CCBE1: variants seen among roughly 807,000 people sequenced by gnomAD.
CCBE1 encodes the protein collagen and calcium binding EGF domains 1, also known as collagen and calcium-binding EGF domain-containing protein 1.
CCBE1 carries 37 observed loss-of-function variants against 50.0 expected under a neutral mutation model. The ratio of observed to expected loss-of-function variants is 0.74; its 90% CI spans 0.57 to 0.97. CCBE1 has a LOEUF of 0.97. CCBE1 is among the 50% of genes least tolerant of loss of function. The probability of loss-of-function intolerance (pLI) is 0.00; values close to 1 mark genes in which losing one functional copy is unlikely to be tolerated. For missense variants in CCBE1, 538 were observed against 523.8 expected (o/e 1.03, Z -0.26); for synonymous variants, 234 against 203.7 (o/e 1.15, Z -1.27).
intron 2 of CCBE1, among the ~76,000 whole-genome samples, chr18:59,659,948 A>G (rs1427382066): frequency 1.3e-5 from 2 of 152,158 alleles, no homozygotes; most frequent in African/African-American, 4.8e-5. Flanking sequence ...GGACCTCGCT[A>G]TGCAATGCTT....
intron 2 of CCBE1, among the ~76,000 whole-genome samples, chr18:59,675,705 G>T (rs969261173): frequency 1.3e-5 from 2 of 152,198 alleles, no homozygotes; most frequent in Admixed American, 1.3e-4. Flanking sequence ...CCAGAGTTTA[G>T]AAACAGTTAT....
intron 2 of CCBE1, among the ~76,000 whole-genome samples, chr18:59,622,504 AAAG>A (rs2053725340): frequency 2.4e-5 from 3 of 124,670 alleles, no homozygotes; most frequent in Admixed American, 1.7e-4. Context: ...ACTTCATCTT[AAAG>A]AAAAAAAAAA....
chr18:59,534,494 G>GT (rs1309006555), intron 2 of CCBE1, among the ~76,000 whole-genome samples: 4 of 152,234 alleles, frequency 2.6e-5, no homozygotes, highest in Non-Finnish European at 5.9e-5. Flanking sequence ...TTGATCCTCT[G>GT]TCTGAGAGGG....
intron 2 of CCBE1, among the ~76,000 whole-genome samples, chr18:59,510,835 G>A (rs981284036): frequency 6.6e-6 from 1 of 152,158 alleles, no homozygotes. Context: ...AAGAAACATA[G>A]ACTAGTTAAG....
At chr18:59,549,157 G>A (rs117172874) in intron 2 of CCBE1, among the ~76,000 whole-genome samples, 2,689 of 151,152 alleles carry the variant, frequency 0.018, 25 homozygotes, top group Non-Finnish European at 0.027. Flanking sequence ...TTTTCACTTG[G>A]ATATATAGAC....
intron 2 of CCBE1, among the ~76,000 whole-genome samples, chr18:59,556,264 C>A (rs1391249658): frequency 6.6e-6 from 1 of 152,110 alleles, no homozygotes. Flanking sequence ...TCAGCAGAGC[C>A]AAATTGGAGT....
intron 2 of CCBE1, among the ~76,000 whole-genome samples, chr18:59,480,875 C>T (rs1346898610): frequency 6.6e-6 from 1 of 152,024 alleles, no homozygotes; most frequent in Non-Finnish European, 1.5e-5. Context: ...CCACTTCAAC[C>T]AAGCTAATTT....
intron 2 of CCBE1, among the ~76,000 whole-genome samples, chr18:59,483,437 C>T (rs1037038440): frequency 6.6e-6 from 1 of 152,162 alleles, no homozygotes; most frequent in Non-Finnish European, 1.5e-5. Flanking sequence ...TGAAATGTTT[C>T]AATGAGCATT....
intron 2 of CCBE1, among the ~76,000 whole-genome samples, chr18:59,684,840 T>G (rs2054636026): frequency 6.6e-6 from 1 of 152,190 alleles, no homozygotes; most frequent in Non-Finnish European, 1.5e-5. Flanking sequence ...TATGTTGTGA[T>G]GCATACAGTT....
intron 2 of CCBE1, among the ~76,000 whole-genome samples, chr18:59,645,427 A>C (rs1003728867): frequency 1.3e-5 from 2 of 152,212 alleles, no homozygotes; most frequent in African/African-American, 4.8e-5. Flanking sequence ...GTGAGAAAAA[A>C]AAGATTTTAA....
intron 2 of CCBE1, among the ~76,000 whole-genome samples, chr18:59,661,947 A>G (rs1313481488): frequency 6.8e-6 from 1 of 146,916 alleles, no homozygotes; most frequent in African/African-American, 2.6e-5. Flanking sequence ...AGCCAGGGCA[A>G]CAGAGTGAGA....
intron 7 of CCBE1, among the ~76,000 whole-genome samples, chr18:59,444,438 A>G (rs1014393401): frequency 1.3e-5 from 2 of 151,518 alleles, no homozygotes; most frequent in South Asian, 4.2e-4. Context: ...ACTCTTTTCC[A>G]CAGTGACTGA....
At chr18:59,696,821 C>G (rs911245571) in intron 1 of CCBE1, 112 bp from the exon 2 acceptor site, 15 of 1,207,128 alleles carry the variant, frequency 1.2e-5, no homozygotes, top group Admixed American at 1.8e-5. Context: ...CGTCCCGGCG[C>G]TCTGGGCAGG....
intron 2 of CCBE1, among the ~76,000 whole-genome samples, chr18:59,664,489 C>A (rs1007930705): frequency 1.3e-5 from 2 of 152,056 alleles, no homozygotes; most frequent in East Asian, 3.9e-4. Flanking sequence ...TGAGCATGAC[C>A]CCACCTACTG....
chr18:59,620,362 A>C (rs2053696570), intron 2 of CCBE1, among the ~76,000 whole-genome samples: 1 of 152,154 alleles, frequency 6.6e-6, no homozygotes, highest in South Asian at 2.1e-4. Flanking sequence ...GAGGTAGAAA[A>C]GGGGAAATTT....
rs781037071 is a variant in CCBE1, at chr18:59,466,777, T to G, written c.515A>C (p.Lys172Thr). The G allele has an allele frequency of 1.2e-6, 2 of 1,613,730 alleles. No homozygotes were observed. The highest frequency in any genetic ancestry group is 4.5e-5 in the East Asian group (2 of 44,876). ...ATATTTGTCTCCCCTGGTACATGTC[T>G]TCCCATCATCTTCCCGGATGTAGCC... ...REGYIREDDG[K>T]TCTRGDKYPN... Residue 172 changes from lysine to threonine, a missense_variant, in exon 5 of 11, where the codon AAG (lysine) becomes ACG (threonine). Physicochemically the swap from Lys to Thr is moderately conservative, Grantham distance 78 (BLOSUM62 -1). Transcript: ENST00000439986.
chr18:59,672,691 C>T (rs1216312044), intron 2 of CCBE1, among the ~76,000 whole-genome samples: 1 of 152,214 alleles, frequency 6.6e-6, no homozygotes, highest in Non-Finnish European at 1.5e-5. Flanking sequence ...AAATGGCAAG[C>T]CCATACAATT....
chr18:59,542,985 C>CT (rs1915527632), intron 2 of CCBE1, among the ~76,000 whole-genome samples: 1 of 152,214 alleles, frequency 6.6e-6, no homozygotes, highest in Non-Finnish European at 1.5e-5. Context: ...AGAAAGTTGC[C>CT]TTTTCCCTCT....
intron 2 of CCBE1, among the ~76,000 whole-genome samples, chr18:59,606,618 C>A (rs577992383): frequency 6.6e-6 from 1 of 152,084 alleles, no homozygotes; most frequent in South Asian, 2.1e-4. Flanking sequence ...CATAAACAAA[C>A]CTTGGAAGGG....
Sources: gnomAD v4.1 joint callset for allele counts (sites outside exome capture counted in the v4.1 genomes callset) on GRCh38, gnomAD v4.1.1 for gene constraint, MANE v1.5 for transcripts, NCBI Gene and HGNC (gene_info 2026-07-23, HGNC 2026-07-21) for gene names.